EYA2: variants seen among roughly 807,000 people sequenced by gnomAD.
The protein encoded by EYA2 is EYA transcriptional coactivator and phosphatase 2.
Under a neutral mutation model 69.2 loss-of-function variants are expected in EYA2, and 31 were observed. The ratio of observed to expected loss-of-function variants is 0.45; its 90% CI spans 0.34 to 0.60. The LOEUF (loss-of-function observed/expected upper bound fraction) is 0.60, where lower values mean the gene tolerates loss of function less well. Ranked by LOEUF, EYA2 falls within the 20% of genes least tolerant of loss-of-function variation. The pLI, the probability that EYA2 is intolerant of heterozygous loss-of-function variation, is 0.02. For missense variants in EYA2, 622 were observed against 701.2 expected, an observed-to-expected ratio of 0.89 and a Z score of 1.28; for synonymous variants, 257 against 279.4, an observed-to-expected ratio of 0.92 and a Z score of 0.80.
intron 1 of EYA2, among the ~76,000 whole-genome samples, chr20:46,948,173 A>G (rs1306553908): frequency 1.3e-5 from 2 of 152,168 alleles, no homozygotes; most frequent in Non-Finnish European, 2.9e-5. Context: ...ATATTAGTCT[A>G]TCCCAGGAGT....
At chr20:46,956,563 T>C (rs1180790719) in intron 1 of EYA2, among the ~76,000 whole-genome samples, 2 of 152,048 alleles carry the variant, frequency 1.3e-5, no homozygotes, top group Non-Finnish European at 2.9e-5. Flanking sequence ...GAGGGAAGGG[T>C]CTGGTATCCA....
chr20:47,165,756 A>G (rs529421765), intron 10 of EYA2, among the ~76,000 whole-genome samples: 1 of 152,236 alleles, frequency 6.6e-6, no homozygotes, highest in Admixed American at 6.5e-5. Flanking sequence ...AAGGGGCTGG[A>G]GAGGGACCAG....
At chr20:47,101,751 A>C (rs1358280882) in intron 9 of EYA2, among the ~76,000 whole-genome samples, 5 of 152,218 alleles carry the variant, frequency 3.3e-5, no homozygotes, top group Non-Finnish European at 5.9e-5. Context: ...TATAGCTCTA[A>C]GCTTGGATGT....
rs568848441 is a variant in EYA2, at chr20:47,046,829, G to A, written c.416-25356G>A. ...GAACTCTTGTGTATCTATCTGGGAA[G>A]GGTTCTGACAGATCTCAGCTGCCTC... On this transcript the variant is annotated intron_variant, in intron 5 of 15. Transcript: ENST00000327619. Among the ~76,000 whole-genome samples the A allele has an allele frequency of 1.2e-4, 18 of 152,228 alleles. No homozygotes were observed. The South Asian group carries it at 3.3e-3, about 28-fold the overall frequency.
At chr20:47,010,789 A>ATTT (rs10608509) in intron 4 of EYA2, among the ~76,000 whole-genome samples, 48 of 138,662 alleles carry the variant, frequency 3.5e-4, no homozygotes, top group African/African-American at 1.3e-3. Context: ...AATTGAGTTG[A>ATTT]TTTTTTTTTT....
intron 7 of EYA2, 72 bp downstream of exon 7, chr20:47,074,407 T>G: frequency 1.4e-6 from 2 of 1,470,288 alleles, no homozygotes; most frequent in Non-Finnish European, 1.9e-6. Context: ...GACCCGCACA[T>G]GGGTCCCAAT....
chr20:46,971,546 T>G (rs948358286), intron 1 of EYA2, among the ~76,000 whole-genome samples: 1 of 152,240 alleles, frequency 6.6e-6, no homozygotes, highest in African/African-American at 2.4e-5. Flanking sequence ...AAATGTAGTC[T>G]TTATTCTGGG....
chr20:47,070,538 G>A, intron 5 of EYA2, among the ~76,000 whole-genome samples: 1 of 152,182 alleles, frequency 6.6e-6, no homozygotes, highest in African/African-American at 2.4e-5. Context: ...TCTACTCTTA[G>A]GGATTTACCC....
intron 9 of EYA2, 135 bp from the exon 10 acceptor site, chr20:47,142,924 C>T (rs1008672957): frequency 3.5e-6 from 2 of 566,512 alleles, no homozygotes. Context: ...CACAGAGACT[C>T]ATTTTAGGCC....
At chr20:47,007,878 T>C (rs1387273026) in intron 4 of EYA2, among the ~76,000 whole-genome samples, 1 of 152,074 alleles carries the variant, frequency 6.6e-6, no homozygotes, top group East Asian at 1.9e-4. Context: ...TCCTCCTATC[T>C]CTGCTTCCCA....
intron 12 of EYA2, among the ~76,000 whole-genome samples, chr20:47,173,562 A>C (rs1338857315): frequency 6.9e-6 from 1 of 145,366 alleles, no homozygotes; most frequent in Non-Finnish European, 1.5e-5. Flanking sequence ...CATCCTGGGC[A>C]ACTGACTCAG....
chr20:46,923,460 G>A (rs1390674028), intron 1 of EYA2, among the ~76,000 whole-genome samples: 4 of 152,206 alleles, frequency 2.6e-5, no homozygotes, highest in Non-Finnish European at 2.9e-5. Context: ...TCTAGATAGA[G>A]GGGGAGATGT....
intron 5 of EYA2, among the ~76,000 whole-genome samples, chr20:47,031,529 A>T (rs1226633655): frequency 6.6e-6 from 1 of 152,232 alleles, no homozygotes; most frequent in Non-Finnish European, 1.5e-5. Context: ...CAGTGAAGCC[A>T]GTATTCACAA....
chr20:47,131,057 C>T (rs901572533), intron 9 of EYA2, among the ~76,000 whole-genome samples: 8 of 152,048 alleles, frequency 5.3e-5, no homozygotes, highest in African/African-American at 1.9e-4. Context: ...CCATTGCACT[C>T]CAGCCTGGGC....
chr20:47,063,392 C>CGTGTGTGTGT (rs35187186), intron 5 of EYA2, among the ~76,000 whole-genome samples: 4,966 of 143,390 alleles, frequency 0.035, 236 homozygotes, highest in African/African-American at 0.12. Flanking sequence ...TGTGCGTGTG[C>CGTGTGTGTGT]GTGTGTGTGT....
intron 1 of EYA2, among the ~76,000 whole-genome samples, chr20:46,930,603 A>G (rs1020843488): frequency 6.6e-6 from 1 of 152,176 alleles, no homozygotes; most frequent in Non-Finnish European, 1.5e-5. Context: ...GATGATGACA[A>G]AAAAGGGGGT....
At chr20:47,159,344 A>T (rs1425029285) in intron 10 of EYA2, among the ~76,000 whole-genome samples, 1 of 152,026 alleles carries the variant, frequency 6.6e-6, no homozygotes, top group African/African-American at 2.4e-5. Context: ...TGAGAAAAAC[A>T]TCGGAAAAAT....
chr20:47,078,330 C>T (rs759748796), intron 7 of EYA2, among the ~76,000 whole-genome samples: 10 of 29,878 alleles, frequency 3.3e-4, no homozygotes, highest in Non-Finnish European at 6.7e-4. Flanking sequence ...CGCGCGCGCG[C>T]GCACACACAC....
At chr20:47,005,317 A>G (rs539798847) in intron 4 of EYA2, among the ~76,000 whole-genome samples, 1 of 152,326 alleles carries the variant, frequency 6.6e-6, no homozygotes, top group South Asian at 2.1e-4. Flanking sequence ...GTTTAGGGAA[A>G]ATTGGGACTG....
Sources: gnomAD v4.1 joint callset for allele counts (sites outside exome capture counted in the v4.1 genomes callset) on GRCh38, gnomAD v4.1.1 for gene constraint, MANE v1.5 for transcripts, NCBI Gene and HGNC (gene_info 2026-07-23, HGNC 2026-07-21) for gene names.